UNC13D: variants seen among roughly 807,000 people sequenced by gnomAD.
The protein encoded by UNC13D is protein unc-13 homolog D.
Under a neutral mutation model 151.7 loss-of-function variants are expected in UNC13D, and 115 were observed. The ratio of observed to expected loss-of-function variants is 0.76; its 90% confidence interval spans 0.65 to 0.88. The LOEUF (loss-of-function observed/expected upper bound fraction) is 0.88, where lower values mean the gene tolerates loss of function less well. Ranked by LOEUF, UNC13D falls within the 40% of genes least tolerant of loss-of-function variation. The pLI is 0.00. For synonymous variants in UNC13D, 588 were observed against 612.2 expected, an observed-to-expected ratio of 0.96 and a Z score of 0.58; for missense variants, 1,369 against 1,438.7, an observed-to-expected ratio of 0.95 and a Z score of 0.78.
At position 75,842,489 on chromosome 17, in the gene UNC13D, G is replaced by T; in HGVS notation, c.513C>A (p.His171Gln). The T allele has an allele frequency of 3.7e-6, 6 of 1,613,498 alleles. No individual in the cohort carries two copies. The highest frequency in any genetic ancestry group is 5.1e-6 in the Non-Finnish European group (6 of 1,179,984). The change falls in exon 6 of 32, where the codon CAC becomes CAA. Residue 171 changes from histidine (H) to glutamine (Q), a missense_variant. Around this residue, in one of 3 missense-constraint regions of UNC13D, gnomAD observed 550 missense variants for 609.0 expected, o/e 0.90. Coordinates refer to ENST00000207549, the MANE Select transcript of UNC13D (RefSeq NM_199242.3). ...VRHTIPEEET[H>Q]RTQVITQTLN... is the part of the protein sequence containing the mutation. ...GTGTCTGGGTGATGACCTGCGTGCG[G>T]TGGGTCTCCTCCTCGGGGATGGTGT...
chr17:75,829,687 G>T, intron 30 of UNC13D: 1 of 312,120 alleles, frequency 3.2e-6, no homozygotes. Context: ...TGCCTCCTGG[G>T]TTAAGCAATT....
At chr17:75,835,591 T>A in intron 19 of UNC13D, 56 bp downstream of exon 19, 1 of 1,611,622 alleles carries the variant, frequency 6.2e-7, no homozygotes, top group South Asian at 1.1e-5. Flanking sequence ...TGGGGCCTCG[T>A]CCACCCTCCC....
chr17:75,836,261 C>T lies in UNC13D; in HGVS notation c.1390-5G>A, dbSNP rs1046074482. 39 of 1,612,578 alleles carry T rather than the reference C, an allele frequency of 2.4e-5. No homozygotes were observed. Among genetic ancestry groups the T allele is most frequent in the Non-Finnish European group, 2.6e-5 (31 of 1,179,604 alleles). On this transcript the variant is annotated splice_polypyrimidine_tract_variant and splice_region_variant and intron_variant, in intron 15 of 31. Transcript: ENST00000207549. ...GAACCATTCAGTGGTGCCAGTCTGT[C>T]GACAAAGAGGCAGTGAGCAGGGAGG...
In UNC13D at chr17:75,828,045, G is replaced by C. The variant is rs774921373; in HGVS notation, c.3193C>G (p.Arg1065Gly). The part of the protein sequence containing the change: ...LQLLEGRKGD[R>G]EAQVFVRLRR... ...AGCCTCACAAAGACCTGGGCTTCTCGGTCACCCTTCCGGCCCTCCAGCAGC... is the reference window on the plus strand; with the variant it reads ...AGCCTCACAAAGACCTGGGCTTCTCCGTCACCCTTCCGGCCCTCCAGCAGC... Residue 1065 changes from arginine (R) to glycine (G), a missense_variant, in exon 32 of 32, where the codon CGA becomes GGA. By Grantham distance (125) the Arg-to-Gly change is moderately radical (BLOSUM62 -2). This residue lies in a region of UNC13D where 807 missense variants were observed against 795.5 expected (regional missense o/e 1.01). Coordinates refer to ENST00000207549, the MANE Select transcript of UNC13D (RefSeq NM_199242.3). 6 of 1,578,322 alleles carry C rather than the reference G, an allele frequency of 3.8e-6. No individual in the cohort carries two copies. Among genetic ancestry groups the C allele is most frequent in the Non-Finnish European group, 8.6e-7 (1 of 1,162,614 alleles).
intron 19 of UNC13D, 37 bp from the exon 20 acceptor site, chr17:75,835,566 G>A (rs375874780): frequency 6.2e-7 from 1 of 1,606,452 alleles, no homozygotes; most frequent in Non-Finnish European, 8.5e-7. Flanking sequence ...GGAAGGCTGG[G>A]GCCACCATGG....
At position 75,832,586 on chromosome 17, in the gene UNC13D, G is replaced by A. The variant is rs2064879459; in HGVS notation, c.2447+380C>T. ...TGGGGGCAGAGGAGCAGGCAGGGAGGCCCTGAAGACAGGCCTGGGACTAAA... is the reference window on the plus strand; with the variant it reads ...TGGGGGCAGAGGAGCAGGCAGGGAGACCCTGAAGACAGGCCTGGGACTAAA... On this transcript the variant is annotated intron_variant, in intron 25 of 31. Transcript: ENST00000207549. This position sits in a 1 kb window ranked among gnomAD's most constrained non-coding sequence, Gnocchi z 4.3. 2 of 190,592 alleles carry A rather than the reference G, an allele frequency of 1.0e-5. No individual in the cohort carries two copies. Among genetic ancestry groups the A allele is most frequent in the South Asian group, 1.9e-4 (2 of 10,418 alleles). The allele number at this position is 190,592 out of a possible 1,614,324, so 11.8% of individuals were successfully genotyped here.
At chr17:75,844,144 C>T in intron 1 of UNC13D, 77 bp downstream of exon 1, 2 of 1,568,938 alleles carry the variant, frequency 1.3e-6, no homozygotes, top group South Asian at 1.1e-5. Flanking sequence ...AGAGGTGGGG[C>T]CAGACAGCAG....
Position 75,840,708 on chromosome 17 carries a change from G to A in UNC13D, c.683+54C>T. ...CCAGCATCCAGTGTGCATGTTGGGG[G>A]ATGGAGGGCAAAAGGAGCCCCAACC... On this transcript the variant is annotated intron_variant, in intron 8 of 31. Coordinates refer to ENST00000207549, the MANE Select transcript of UNC13D (RefSeq NM_199242.3). The surrounding 1 kb of genome is among the most constrained non-coding windows in gnomAD (Gnocchi z 4.6). The A allele has an allele frequency of 1.9e-6, 3 of 1,612,364 alleles. No individual in the cohort carries two copies. In the East Asian group the frequency reaches 6.7e-5, roughly 36 times the overall value.
chr17:75,836,476 T>A, intron 14 of UNC13D, 47 bp from the exon 15 acceptor site: 6 of 1,612,202 alleles, frequency 3.7e-6, no homozygotes, highest in Non-Finnish European at 5.1e-6. Flanking sequence ...TGCCCCACAC[T>A]GCACTCACTC....
Position 75,833,974 on chromosome 17 carries a change from C to T in UNC13D, c.2367+101G>A. ...AGGCCCAGGGAGAGAACATGCTTTG[C>T]CTGGTCTGGGGGACTTATCTTTGAC... On this transcript the variant is annotated intron_variant, in intron 24 of 31. Transcript: ENST00000207549. The surrounding 1 kb of genome is among the most constrained non-coding windows in gnomAD (Gnocchi z 4.0). 6.8e-7 allele frequency: 1 copy of T among 1,462,572 alleles called. No individual in the cohort carries two copies. Among genetic ancestry groups the T allele is most frequent in the Non-Finnish European group, 9.5e-7 (1 of 1,049,578 alleles). 90.6% of individuals were successfully genotyped at this position (1,462,572 alleles called of 1,614,324 possible). A position where few individuals can be genotyped will look rare whatever the true frequency, so the allele number is the denominator to read the frequency against.
At position 75,836,437 on chromosome 17, in the gene UNC13D, A is replaced by G; in HGVS notation, c.1299-8T>C. The G allele has an allele frequency of 3.1e-6, 5 of 1,612,650 alleles. No homozygotes were observed. Among genetic ancestry groups the G allele is most frequent in the Non-Finnish European group, 4.2e-6 (5 of 1,179,946 alleles). On this transcript the variant is annotated splice_polypyrimidine_tract_variant and splice_region_variant and intron_variant, in intron 14 of 31. Transcript: ENST00000207549. ...CACATCTGTACCAGGACCCTGCAAG[A>G]TGGAAAGAGCTGTGTCGAAAGTGCC...
At chr17:75,839,127 G>C (rs1175407388) in intron 12 of UNC13D, among the ~76,000 whole-genome samples, 1 of 151,950 alleles carries the variant, frequency 6.6e-6, no homozygotes, top group East Asian at 1.9e-4. Flanking sequence ...AAATGGCTCG[G>C]TGCAGTGGCT....
chr17:75,834,272 A>T, intron 23 of UNC13D, 53 bp downstream of exon 23: 1 of 1,584,512 alleles, frequency 6.3e-7, no homozygotes, highest in Admixed American at 1.7e-5. Context: ...TGCTGGAGCC[A>T]GGTAGGCTGA....
intron 6 of UNC13D, chr17:75,841,231 G>A (rs1480262499): frequency 2.1e-5 from 10 of 477,540 alleles, no homozygotes; most frequent in Admixed American, 3.7e-5. Flanking sequence ...TGCAACCTCT[G>A]CCTCCTGGGT....
At chr17:75,830,880 C>CA (rs113139384) in intron 27 of UNC13D, among the ~76,000 whole-genome samples, 36 of 152,340 alleles carry the variant, frequency 2.4e-4, no homozygotes, top group African/African-American at 8.7e-4. Flanking sequence ...CCCCACCCCC[C>CA]ATGCGGGCAC....
chr17:75,842,842 C>T lies in UNC13D; in HGVS notation c.388+15G>A. 8 of 1,613,600 alleles carry T rather than the reference C, an allele frequency of 5.0e-6. No homozygotes were observed. Among genetic ancestry groups the T allele is most frequent in the Non-Finnish European group, 6.8e-6 (8 of 1,179,982 alleles). On this transcript the variant is annotated intron_variant, in intron 5 of 31. Transcript: ENST00000207549. Reference sequence around the variant, plus strand: ...GCCAGGAAGAAGCCCCTTGGGGACCCCACCCCATGCTCACCACTGACATCT... The same window carrying T: ...GCCAGGAAGAAGCCCCTTGGGGACCTCACCCCATGCTCACCACTGACATCT...
Position 75,827,440 on chromosome 17 carries a change from C to T in UNC13D, c.*525G>A. 7.0e-7 allele frequency: 1 copy of T among 1,426,280 alleles called. No individual in the cohort carries two copies. The highest frequency in any genetic ancestry group is 2.5e-5 in the East Asian group (1 of 39,574). The allele number at this position is 1,426,280 out of a possible 1,614,324, so 88.4% of individuals were successfully genotyped here. On this transcript the variant is annotated 3_prime_UTR_variant, in exon 32 of 32. Transcript: ENST00000207549. The stretch of plus-strand genomic sequence containing the variant: ...CCAGGCTTCCTGGCCTGGATGCTGG[C>T]AGCCCCTGGGGAGAGGACCCAGGCC...
At chr17:75,835,824 G>A (rs767523913) in intron 18 of UNC13D, 31 bp downstream of exon 18, 3 of 1,613,902 alleles carry the variant, frequency 1.9e-6, no homozygotes, top group South Asian at 2.2e-5. Flanking sequence ...TCTGTTGGAG[G>A]GCATGCCCTA....
rs17496835 is a variant in UNC13D at position 75,831,149 on chromosome 17, G to C, written c.2574C>G (p.His858Gln). The C allele has an allele frequency of 6.2e-7, 1 of 1,614,044 alleles. No individual in the cohort carries two copies. The highest frequency in any genetic ancestry group is 8.5e-7 in the Non-Finnish European group (1 of 1,180,036). ...IALQNLEICF[H>Q]AEGCGLPPKA... ...TGGGTGGCAGGCCACAGCCCTCAGC[G>C]TGGAAGCAGATCTCCAGGTTCTGGG... is the stretch of plus-strand genomic sequence containing the variant. The change falls in exon 27 of 32, where the codon CAC (histidine) becomes CAG (glutamine). Residue 858 changes from histidine to glutamine, a missense_variant. Transcript: ENST00000207549.
Sources: allele counts gnomAD v4.1 joint callset (sites outside exome capture counted in the v4.1 genomes callset), GRCh38; gene constraint gnomAD v4.1.1; regional missense constraint gnomAD v4.1.1; non-coding constraint Gnocchi (gnomAD v3.1); transcripts MANE v1.5; gene names NCBI Gene and HGNC (gene_info 2026-07-23, HGNC 2026-07-21).